Variants in SIGLEC10 observed in about 807,000 individuals in gnomAD.
SIGLEC10 encodes sialic acid-binding Ig-like lectin 10.
SIGLEC10 carries 45 observed loss-of-function variants against 68.3 expected under a neutral mutation model. The observed-to-expected ratio is 0.66, with a 90% CI of 0.52 to 0.84. SIGLEC10 has a LOEUF of 0.84. Among genes scored for constraint, SIGLEC10 ranks in the 40% least tolerant of loss-of-function variants. SIGLEC10 has a pLI of 0.00. For missense variants in SIGLEC10, 789 were observed against 883.1 expected (o/e 0.89, Z 1.35); for synonymous variants, 379 against 370.8 (o/e 1.02, Z -0.26).
intron 1 of SIGLEC10, 24 bp downstream of exon 1, chr19:51,417,521 C>A: frequency 6.2e-7 from 1 of 1,614,226 alleles, no homozygotes; most frequent in Non-Finnish European, 8.5e-7. Context: ...GCCCCAGGTC[C>A]TTTCCGGCCC....
rs1183857369 is a variant in SIGLEC10 at position 51,416,311 on chromosome 19, T to C, written c.753A>G (p.Pro251=). 1.9e-6 allele frequency: 3 copies of C among 1,613,964 alleles called. No individual in the cohort carries two copies. In the African/African-American group the frequency reaches 4.0e-5, roughly 22 times the overall value. ...LVISISRDNT[P]ALEPQPQGNV... is the part of the protein sequence containing the mutation. ...CCCCAGCCCGACGGCCCTCAGTACC[T>C]GGCGTGTTGTCACGTGAAATGCTGA... The change falls in exon 4 of 11, where the codon CCA becomes CCG. Residue 251 remains proline, a splice_region_variant and synonymous_variant. Coordinates refer to ENST00000339313, the MANE Select transcript of SIGLEC10 (RefSeq NM_033130.5).
rs751938127 is a variant in SIGLEC10, at chr19:51,414,455, G to A, written c.1676C>T (p.Thr559Met). The A allele has an allele frequency of 4.3e-5, 70 of 1,613,862 alleles. No individual in the cohort carries two copies. The highest frequency in any genetic ancestry group is 5.5e-5 in the Non-Finnish European group (65 of 1,179,978). The change falls in exon 9 of 11, where the codon ACG becomes ATG. Residue 559 changes from threonine to methionine, a missense_variant. Coordinates refer to ENST00000339313, the MANE Select transcript of SIGLEC10 (RefSeq NM_033130.5). The surrounding 1 kb of genome is among the most constrained non-coding windows in gnomAD (Gnocchi z 4.1). ...SNGAFLGIGI[T>M]ALLFLCLALI... ...GGCCAGGCAGAGGAAAAGAAGAGCC[G>A]TGATGCCGATTCCCAGAAACGCTCC...
Position 51,417,294 on chromosome 19 carries a change from C to T in SIGLEC10, c.209G>A (p.Gly70Asp). 1 of 1,614,214 alleles carries T rather than the reference C, an allele frequency of 6.2e-7. No individual in the cohort carries two copies. Among genetic ancestry groups the T allele is most frequent in the Non-Finnish European group, 8.5e-7 (1 of 1,180,034 alleles). ...CTGGTGGTTTGTGGCCACAGGAGCA[C>T]CCTTGGTTGTCTCAGTCACTGCTTT... ...WFKAVTETTK[G>D]APVATNHQSR... The change falls in exon 2 of 11, where the codon GGT (glycine) becomes GAT (aspartate). Residue 70 changes from glycine to aspartate, a missense_variant. By Grantham distance (94) the Gly-to-Asp change is moderately conservative (BLOSUM62 -1). Transcript: ENST00000339313.
chr19:51,415,998 C>A lies in SIGLEC10; in HGVS notation c.924G>T (p.Leu308=). 1 of 1,613,622 alleles carries A rather than the reference C, an allele frequency of 6.2e-7. No homozygotes were observed. Among genetic ancestry groups the A allele is most frequent in the Non-Finnish European group, 8.5e-7 (1 of 1,180,000 alleles). ...SHPWGPRPLG[L]ELPGVKAGDS... ...CCCCAGCCTTCACCCCGGGCAGCTC[C>A]AGCCCCAGGGGTCTAGGGCCCCAGG... The change falls in exon 5 of 11, where the codon CTG becomes CTT. Residue 308 remains leucine (L), a synonymous_variant. Coordinates refer to ENST00000339313, the MANE Select transcript of SIGLEC10 (RefSeq NM_033130.5).
intron 9 of SIGLEC10, 66 bp from the exon 10 acceptor site, chr19:51,413,889 T>A: frequency 8.1e-7 from 1 of 1,238,980 alleles, no homozygotes; most frequent in Non-Finnish European, 1.2e-6. Flanking sequence ...CCACGTTTAC[T>A]ACCTGAGACC....
Position 51,414,234 on chromosome 19 carries a change from C to G in SIGLEC10, c.1709+188G>C. 1.6e-6 allele frequency: 1 copy of G among 609,236 alleles called. No homozygotes were observed. Among genetic ancestry groups the G allele is most frequent in the South Asian group, 2.0e-5 (1 of 50,818 alleles). 37.7% of individuals were successfully genotyped at this position (609,236 alleles called of 1,614,324 possible). A position where few individuals can be genotyped will look rare whatever the true frequency, so the allele number is the denominator to read the frequency against. ...TTGGGGCGTGACTGCCCTCAGCATT[C>G]CCTCTGGGAAGCAGACGCAGTTTGT... is the stretch of plus-strand genomic sequence containing the variant. On this transcript the variant is annotated intron_variant, in intron 9 of 10. Coordinates refer to ENST00000339313, the MANE Select transcript of SIGLEC10 (RefSeq NM_033130.5). The surrounding 1 kb of genome is among the most constrained non-coding windows in gnomAD (Gnocchi z 4.1).
chr19:51,417,633 T>A lies in SIGLEC10; in HGVS notation c.-52A>T. On this transcript the variant is annotated 5_prime_UTR_variant, in exon 1 of 11. Transcript: ENST00000339313. ...CTGAGACAGGCCTGTTCTCTGGTCG[T>A]GCTGTGAGTGGCTCAGGGCTCTTGG... The A allele has an allele frequency of 6.2e-7, 1 of 1,610,718 alleles. No individual in the cohort carries two copies.
In SIGLEC10 at chr19:51,417,266, ACT is replaced by A; in HGVS notation, c.235_236del (p.Glu81GlyfsTer32). The stretch of plus-strand genomic sequence containing the variant: ...CCCGGGTGCTCATTTCCACCTCTCG[ACT>A]CTGGTGGTTTGTGGCCACAGGAGCA... Reference protein sequence around the residue: ...KGAPVATNHQSREVEMSTRGR... With the variant: ...KGAPVATNHQXREVEMSTRGR... On this transcript the variant is annotated frameshift_variant, in exon 2 of 11. Coordinates refer to ENST00000339313, the MANE Select transcript of SIGLEC10 (RefSeq NM_033130.5). LOFTEE classifies it high-confidence loss of function. 1 of 1,613,832 alleles carries A rather than the reference ACT, an allele frequency of 6.2e-7. No homozygotes were observed. Among genetic ancestry groups the A allele is most frequent in the East Asian group, 2.2e-5 (1 of 44,872 alleles).
In SIGLEC10 at chr19:51,414,503, A is replaced by C. The variant is rs1403981348; in HGVS notation, c.1628T>G (p.Leu543Arg). The change falls in exon 9 of 11, where the codon CTC becomes CGC. Residue 543 changes from leucine to arginine, a missense_variant. Leu to Arg is a moderately radical substitution (Grantham distance 102). Transcript: ENST00000339313. This position sits in a 1 kb window ranked among gnomAD's most constrained non-coding sequence, Gnocchi z 4.1. ...SILQLPDKKGLISTAFSNGAF... is the reference protein window; with the variant it reads ...SILQLPDKKGRISTAFSNGAF... ...TCCGTTGGAGAATGCCGTTGAGATG[A>C]GTCCCTTCTTATCTGCACACGGAGA... The C allele has an allele frequency of 6.2e-7, 1 of 1,613,758 alleles. No homozygotes were observed. Among genetic ancestry groups the C allele is most frequent in the Non-Finnish European group, 8.5e-7 (1 of 1,179,940 alleles).
chr19:51,416,146 C>T lies in SIGLEC10; in HGVS notation c.776G>A (p.Gly259Glu), dbSNP rs1468892389. 2.5e-6 allele frequency: 4 copies of T among 1,608,794 alleles called. No individual in the cohort carries two copies. The South Asian group carries it at 4.4e-5, about 18-fold the overall frequency. Residue 259 changes from glycine (G) to glutamate (E), a missense_variant, in exon 5 of 11, where the codon GGA becomes GAA. Transcript: ENST00000339313. ...NTPALEPQPQGNVPYLEAQKG... is the reference protein window; with the variant it reads ...NTPALEPQPQENVPYLEAQKG... ...TTGGGCTTCCAGGTATGGGACATTT[C>T]CCTGGGGCTGGGGCTCCAGGGCTGG...
chr19:51,416,283 C>G, intron 4 of SIGLEC10, 27 bp downstream of exon 4: 1 of 1,613,960 alleles, frequency 6.2e-7, no homozygotes, highest in African/African-American at 1.3e-5. Context: ...ACAACTGGCC[C>G]AGCCCCAGCC....
chr19:51,412,846 T>G (rs569297167), intron 10 of SIGLEC10, among the ~76,000 whole-genome samples: 1 of 151,538 alleles, frequency 6.6e-6, no homozygotes, highest in African/African-American at 2.4e-5. Flanking sequence ...TGGCTCACTG[T>G]AGCCTCCAAC....
At chr19:51,416,598 A>G (rs71358836) in intron 3 of SIGLEC10, 68 bp downstream of exon 3, 57,229 of 1,588,928 alleles carry the variant, frequency 0.036, 1,504 homozygotes, top group Non-Finnish European at 0.039. Flanking sequence ...TCACTGTCCC[A>G]CTGGGCTCCT....
At position 51,414,985 on chromosome 19, in the gene SIGLEC10, C is replaced by G. The variant is rs747589581; in HGVS notation, c.1454G>C (p.Gly485Ala). 6.2e-7 allele frequency: 1 copy of G among 1,613,054 alleles called. No homozygotes were observed. The highest frequency in any genetic ancestry group is 8.5e-7 in the Non-Finnish European group (1 of 1,179,866). The change falls in exon 8 of 11, where the codon GGG becomes GCG. Residue 485 changes from glycine (G) to alanine (A), a missense_variant. Gly to Ala is a moderately conservative substitution (Grantham distance 60). Transcript: ENST00000339313. This position sits in a 1 kb window ranked among gnomAD's most constrained non-coding sequence, Gnocchi z 4.1. ...RWWLGEELLE[G>A]NSSQDSFEVT... ...CTCGAAGGAGTCCTGGCTGCTGTTC[C>G]CCTCCAGCAGCTCCTCCCCAAGCCA...
Position 51,414,669 on chromosome 19 carries a change from C to T in SIGLEC10, c.1616-154G>A. ...TAGGAAACCCTGCCACACCCCGGCC[C>T]AGGTGTTAGGACTTCCCATTGTGTT... On this transcript the variant is annotated intron_variant, in intron 8 of 10. Transcript: ENST00000339313. This position sits in a 1 kb window ranked among gnomAD's most constrained non-coding sequence, Gnocchi z 4.1. The T allele has an allele frequency of 2.9e-6, 4 of 1,392,428 alleles. No homozygotes were observed. In the South Asian group the frequency reaches 4.8e-5, roughly 17 times the overall value. The allele number at this position is 1,392,428 out of a possible 1,614,324, so 86.3% of individuals were successfully genotyped here. A position where few individuals can be genotyped will look rare whatever the true frequency, so the allele number is the denominator to read the frequency against.
At chr19:51,411,492 C>T (rs985483372) in intron 10 of SIGLEC10, 121 bp from the exon 11 acceptor site, 2 of 1,265,664 alleles carry the variant, frequency 1.6e-6, no homozygotes, top group African/African-American at 1.5e-5. Context: ...CCTTGCTGAG[C>T]TTGCATTCCA....
At position 51,415,313 on chromosome 19, in the gene SIGLEC10, T is replaced by C. The variant is rs1988492218; in HGVS notation, c.1198A>G (p.Ser400Gly). ...CCGGGGTCTGAGGGCTGGGAGGGGC[T>C]CAGAACCTGTCCCCTCTGGGTCCAG... ...LSWTQRGQVL[S>G]PSQPSDPGVL... Residue 400 changes from serine (S) to glycine (G), a missense_variant, in exon 7 of 11, where the codon AGC becomes GGC. Transcript: ENST00000339313. The C allele has an allele frequency of 8.7e-6, 14 of 1,613,708 alleles. No individual in the cohort carries two copies. Among genetic ancestry groups the C allele is most frequent in the South Asian group, 4.4e-5 (4 of 91,064 alleles).
chr19:51,417,531 C>T lies in SIGLEC10; in HGVS notation c.37+14G>A, dbSNP rs1988818529. On this transcript the variant is annotated intron_variant, in intron 1 of 10. Coordinates refer to ENST00000339313, the MANE Select transcript of SIGLEC10 (RefSeq NM_033130.5). ...GCTCCGCCCCAGGTCCTTTCCGGCC[C>T]TTGGCCCACTCACCGCCCAGCAGCG... 6.2e-7 allele frequency: 1 copy of T among 1,614,142 alleles called. No individual in the cohort carries two copies. Among genetic ancestry groups the T allele is most frequent in the African/African-American group, 1.3e-5 (1 of 74,958 alleles).
rs1209014124 is a variant in SIGLEC10, at chr19:51,417,599, A to G, written c.-18T>C. 2.5e-6 allele frequency: 4 copies of G among 1,613,948 alleles called. No homozygotes were observed. Among genetic ancestry groups the G allele is most frequent in the Non-Finnish European group, 3.4e-6 (4 of 1,179,928 alleles). On this transcript the variant is annotated 5_prime_UTR_variant, in exon 1 of 11. Coordinates refer to ENST00000339313, the MANE Select transcript of SIGLEC10 (RefSeq NM_033130.5). ...AGTAGCATCTCCGCATAGGAGGCGC[A>G]GGGCCTGCCTGAGACAGGCCTGTTC...
Sources: allele counts gnomAD v4.1 joint callset (sites outside exome capture counted in the v4.1 genomes callset), GRCh38; gene constraint gnomAD v4.1.1; non-coding constraint Gnocchi (gnomAD v3.1); transcripts MANE v1.5; gene names NCBI Gene and HGNC (gene_info 2026-07-23, HGNC 2026-07-21).